The following PLCH1 variants were observed in gnomAD, a reference collection of about 807,000 sequenced individuals.
PLCH1 encodes 1-phosphatidylinositol 4,5-bisphosphate phosphodiesterase eta-1.
Under a neutral mutation model 126.7 loss-of-function variants are expected in PLCH1, and 60 were observed. That is an observed-to-expected ratio of 0.47 (90% CI 0.38 to 0.59). PLCH1 has a LOEUF of 0.59. Among genes scored for constraint, PLCH1 ranks in the 20% least tolerant of loss-of-function variants. The pLI, the probability that PLCH1 is intolerant of heterozygous loss-of-function variation, is 0.00. For synonymous variants in PLCH1, 719 were observed against 734.9 expected, an observed-to-expected ratio of 0.98 and a Z score of 0.35; for missense variants, 1,723 against 2,040.0, an observed-to-expected ratio of 0.84 and a Z score of 2.99.
intron 1 of PLCH1, among the ~76,000 whole-genome samples, chr3:155,725,502 C>T (rs1295847837): frequency 2.7e-5 from 4 of 148,502 alleles, no homozygotes; most frequent in Non-Finnish European, 4.4e-5. Flanking sequence ...GGCTGGAGTA[C>T]GATAGTGCGA....
At chr3:155,560,697 T>G (rs1472903178) in intron 8 of PLCH1, among the ~76,000 whole-genome samples, 1 of 152,206 alleles carries the variant, frequency 6.6e-6, no homozygotes, top group Admixed American at 6.5e-5. Flanking sequence ...TCTTATCTCA[T>G]TGTCCTACTG....
At chr3:155,539,504 C>T (rs190801371) in intron 10 of PLCH1, among the ~76,000 whole-genome samples, 2 of 152,084 alleles carry the variant, frequency 1.3e-5, no homozygotes, top group South Asian at 4.1e-4. Flanking sequence ...ACCTAGAAAA[C>T]CCTAAAGGCT....
chr3:155,486,512 TG>T (rs371470036), intron 21 of PLCH1, among the ~76,000 whole-genome samples: 1,446 of 139,696 alleles, frequency 0.01, 31 homozygotes, highest in African/African-American at 0.038. Flanking sequence ...GGCTCAAGTT[TG>T]TTTTTTTTTT....
chr3:155,598,803 GA>G (rs1219058483), intron 2 of PLCH1, among the ~76,000 whole-genome samples: 1 of 152,156 alleles, frequency 6.6e-6, no homozygotes, highest in Non-Finnish European at 1.5e-5. Flanking sequence ...GTAAAGTACT[GA>G]AAACAGTAGC....
chr3:155,602,573 A>G (rs1733874792), intron 2 of PLCH1, among the ~76,000 whole-genome samples: 1 of 152,200 alleles, frequency 6.6e-6, no homozygotes, highest in East Asian at 1.9e-4. Flanking sequence ...TGCATAGCCT[A>G]TTGCACGTCT....
rs550986893 is a variant in PLCH1, at chr3:155,594,240, A to G, written c.227-56T>C. 29 of 1,506,762 alleles carry G rather than the reference A, an allele frequency of 1.9e-5. No homozygotes were observed. In the East Asian group the frequency reaches 6.4e-4, roughly 33 times the overall value. 93.3% of individuals were successfully genotyped at this position (1,506,762 alleles called of 1,614,324 possible). ...ACAGCAGGCAAAGATACTTCTTTAC[A>G]TGCACTAAGAAACAAGAAAAGCAAA... On this transcript the variant is annotated intron_variant, in intron 3 of 22. Coordinates refer to ENST00000460012, the MANE Select transcript of PLCH1 (RefSeq NM_014996.4).
chr3:155,542,606 A>AC (rs1348214894), intron 10 of PLCH1, among the ~76,000 whole-genome samples: 3 of 152,032 alleles, frequency 2.0e-5, no homozygotes, highest in African/African-American at 7.2e-5. Context: ...CTGACCCCTG[A>AC]CCCCCAAGCA....
intron 4 of PLCH1, among the ~76,000 whole-genome samples, chr3:155,586,431 G>C (rs1346178183): frequency 1.3e-5 from 2 of 152,216 alleles, no homozygotes; most frequent in Non-Finnish European, 2.9e-5. Context: ...TCCCGGCTGG[G>C]TGCAGTGGCT....
At chr3:155,712,382 T>C (rs1180402552) in intron 1 of PLCH1, among the ~76,000 whole-genome samples, 1 of 152,214 alleles carries the variant, frequency 6.6e-6, no homozygotes, top group African/African-American at 2.4e-5. Flanking sequence ...CAAAACCTTT[T>C]CTTCAGCTTT....
At chr3:155,569,447 C>T (rs1405830339) in intron 6 of PLCH1, among the ~76,000 whole-genome samples, 1 of 152,068 alleles carries the variant, frequency 6.6e-6, no homozygotes, top group Non-Finnish European at 1.5e-5. Flanking sequence ...AAAGAACACA[C>T]AATGATTTCT....
intron 2 of PLCH1, among the ~76,000 whole-genome samples, chr3:155,644,590 G>A (rs143640981): frequency 2.5e-3 from 374 of 152,020 alleles, no homozygotes; most frequent in African/African-American, 8.6e-3. Context: ...GCAACAGAAC[G>A]AGGCTCCACC....
At position 155,482,490 on chromosome 3, in the gene PLCH1, G is replaced by A; in HGVS notation, c.3536C>T (p.Thr1179Ile). Residue 1179 changes from threonine to isoleucine, a missense_variant, in exon 23 of 23, where the codon ACA (threonine) becomes ATA (isoleucine). By Grantham distance (89) the Thr-to-Ile change is moderately conservative. This residue lies in a region of PLCH1 where 947 missense variants were observed against 977.1 expected (regional missense o/e 0.97). Transcript: ENST00000460012. ...ISHLIDNVTLTNENEPGSSIS... is the reference protein window; with the variant it reads ...ISHLIDNVTLINENEPGSSIS... The stretch of plus-strand genomic sequence containing the variant: ...GGAACTGCCCGGCTCATTCTCATTT[G>A]TTAAAGTGACATTGTCAATAAGATG... The A allele has an allele frequency of 6.2e-7, 1 of 1,614,106 alleles. No individual in the cohort carries two copies. Among genetic ancestry groups the A allele is most frequent in the Non-Finnish European group, 8.5e-7 (1 of 1,179,980 alleles).
intron 2 of PLCH1, among the ~76,000 whole-genome samples, chr3:155,614,164 AAACAC>A: frequency 6.6e-6 from 1 of 152,346 alleles, no homozygotes; most frequent in Non-Finnish European, 1.5e-5. Context: ...AAACAAATGG[AAACAC>A]ATTCCATGCT....
downstream of PLCH1, among the ~76,000 whole-genome samples, chr3:155,478,211 G>A (rs147419612): frequency 6.6e-4 from 101 of 152,182 alleles, 1 homozygote; most frequent in African/African-American, 2.1e-3. Flanking sequence ...TTGAATTCAT[G>A]GATATAGAGA....
chr3:155,491,840 A>G (rs543755134), intron 18 of PLCH1, among the ~76,000 whole-genome samples: 3 of 152,252 alleles, frequency 2.0e-5, no homozygotes, highest in East Asian at 1.9e-4. Context: ...TAATTAATCA[A>G]GCTATGCATG....
intron 2 of PLCH1, among the ~76,000 whole-genome samples, chr3:155,655,602 G>A (rs920000433): frequency 2.0e-5 from 3 of 152,106 alleles, no homozygotes; most frequent in Non-Finnish European, 4.4e-5. Flanking sequence ...CCCAAATAAA[G>A]CCTTCCATCC....
At position 155,733,934 on chromosome 3, in the gene PLCH1, CATATATATAT is replaced by C. The variant is rs35149793; in HGVS notation, c.-41+10896_-41+10905del. On this transcript the variant is annotated intron_variant, in intron 1 of 22. Transcript: ENST00000460012. ...AACATACAAATGGCCAACAGGTATA[CATATATATAT>C]ATATATATATATATATATATATATA... Among the ~76,000 whole-genome samples, 396 of 98,124 alleles carry C rather than the reference CATATATATAT, an allele frequency of 4.0e-3. 2 individuals carry two copies. The highest frequency in any genetic ancestry group is 7.1e-3 in the African/African-American group (213 of 30,046). The allele number at this position is 98,124 out of a possible 152,430, so 64.4% of individuals were successfully genotyped here. A position where few individuals can be genotyped will look rare whatever the true frequency, so the allele number is the denominator to read the frequency against.
In PLCH1 at chr3:155,576,919, T is replaced by G. The variant is rs191826197; in HGVS notation, c.771+6553A>C. 1.0e-3 allele frequency among the ~76,000 whole-genome samples: 156 copies of G among 152,340 alleles called. 1 individual carries two copies. Among genetic ancestry groups the G allele is most frequent in the Non-Finnish European group, 1.7e-3 (119 of 68,036 alleles). Reference sequence around the variant, plus strand: ...AAAGTAAAATGGTTTGGCCAAAGTTTTATCAATTATATTAAATGTTATAGA... The same window carrying G: ...AAAGTAAAATGGTTTGGCCAAAGTTGTATCAATTATATTAAATGTTATAGA... On this transcript the variant is annotated intron_variant, in intron 6 of 22. Coordinates refer to ENST00000460012, the MANE Select transcript of PLCH1 (RefSeq NM_014996.4).
intron 10 of PLCH1, among the ~76,000 whole-genome samples, chr3:155,526,330 CT>C (rs1163565108): frequency 6.6e-6 from 1 of 152,062 alleles, no homozygotes; most frequent in Non-Finnish European, 1.5e-5. Flanking sequence ...ACTATACCTT[CT>C]TGCTTGCTTG....
Sources: allele counts gnomAD v4.1 joint callset (sites outside exome capture counted in the v4.1 genomes callset), GRCh38; gene constraint gnomAD v4.1.1; regional missense constraint gnomAD v4.1.1; transcripts MANE v1.5; gene names NCBI Gene and HGNC (gene_info 2026-07-23, HGNC 2026-07-21).